The following TRAK1 variants were observed in gnomAD, a reference collection of about 807,000 sequenced individuals.
TRAK1 encodes trafficking kinesin-binding protein 1.
A neutral mutation model predicts 92.1 loss-of-function variants in TRAK1; 33 were observed. The ratio of observed to expected loss-of-function variants is 0.36; its 90% CI spans 0.27 to 0.48. TRAK1 has a LOEUF of 0.48. Ranked by LOEUF, TRAK1 falls within the 20% of genes least tolerant of loss-of-function variation. TRAK1 has a pLI of 0.99. For missense variants in TRAK1, 1,123 were observed against 1,257.9 expected, an observed-to-expected ratio of 0.89 and a Z score of 1.62; for synonymous variants, 521 against 517.3, an observed-to-expected ratio of 1.01 and a Z score of -0.10.
intron 4 of TRAK1, among the ~76,000 whole-genome samples, chr3:42,187,629 C>T (rs776673610): frequency 6.6e-6 from 1 of 151,918 alleles, no homozygotes; most frequent in African/African-American, 2.4e-5. Flanking sequence ...CACCACTCTT[C>T]GCTAATTTTT....
At chr3:42,206,490 G>A (rs969634244) in intron 13 of TRAK1, among the ~76,000 whole-genome samples, 2 of 152,226 alleles carry the variant, frequency 1.3e-5, no homozygotes, top group Non-Finnish European at 2.9e-5. Flanking sequence ...TTCAGTCCCA[G>A]ATCAGTCAAG....
intron 6 of TRAK1, among the ~76,000 whole-genome samples, 178 bp from the exon 7 acceptor site, chr3:42,191,380 T>C (rs1705710368): frequency 6.6e-6 from 1 of 152,220 alleles, no homozygotes. Context: ...GCACATCCAT[T>C]ATTAAGCTGG....
chr3:42,108,934 C>G (rs1188771097), intron 1 of TRAK1, among the ~76,000 whole-genome samples: 1 of 152,066 alleles, frequency 6.6e-6, no homozygotes, highest in African/African-American at 2.4e-5. Flanking sequence ...GGAAGTTGGG[C>G]TAGGAGAAAA....
intron 1 of TRAK1, among the ~76,000 whole-genome samples, chr3:42,049,542 G>A (rs1453567785): frequency 6.6e-6 from 1 of 151,684 alleles, no homozygotes; most frequent in African/African-American, 2.4e-5. Flanking sequence ...AAGGTTTCTT[G>A]TATCATTTCT....
intron 1 of TRAK1, among the ~76,000 whole-genome samples, chr3:42,038,923 T>C (rs961930310): frequency 6.6e-6 from 1 of 151,854 alleles, no homozygotes; most frequent in Non-Finnish European, 1.5e-5. Context: ...ATTGATTTTT[T>C]AAAAATCAGC....
Position 42,209,785 on chromosome 3 carries a change from A to G in TRAK1, c.1763A>G (p.His588Arg). The change falls in exon 14 of 16, where the codon CAC becomes CGC. Residue 588 changes from histidine to arginine, a missense_variant. By Grantham distance (29) the His-to-Arg change is conservative. Coordinates refer to ENST00000327628, the MANE Select transcript of TRAK1 (RefSeq NM_001042646.3). ...CTGCAAGGTTCCGCCACACTTCACC[A>G]CTGGCAGCAGTTGGCCCAACCTCAC... ...KPLEGSATLH[H>R]WQQLAQPHLG... is the part of the protein sequence containing the mutation. 4 of 1,613,886 alleles carry G rather than the reference A, an allele frequency of 2.5e-6. No individual in the cohort carries two copies. Among genetic ancestry groups the G allele is most frequent in the Non-Finnish European group, 3.4e-6 (4 of 1,179,970 alleles).
At chr3:42,203,044 GA>G in intron 13 of TRAK1, 1 of 1,239,750 alleles carries the variant, frequency 8.1e-7, no homozygotes, top group Non-Finnish European at 1.0e-6. Context: ...TAGAACCTTA[GA>G]AATAAAAACT....
At chr3:42,168,935 T>A (rs937406712) in intron 2 of TRAK1, among the ~76,000 whole-genome samples, 3 of 152,332 alleles carry the variant, frequency 2.0e-5, no homozygotes, top group Admixed American at 6.5e-5. Context: ...GCGATTCTCC[T>A]GCGTCAGCCT....
chr3:42,202,480 G>A lies in TRAK1; in HGVS notation c.1472G>A (p.Gly491Asp). 1 of 1,497,960 alleles carries A rather than the reference G, an allele frequency of 6.7e-7. No individual in the cohort carries two copies. The allele number at this position is 1,497,960 out of a possible 1,614,324, so 92.8% of individuals were successfully genotyped here. ...SKKPGTPGTP[G>D]SHDLETALRR... ...AAGCCGGGGACGCCGGGCACCCCAG[G>A]CTCCCACGACCTGGAGACGGCGCTG... The change falls in exon 13 of 16, where the codon GGC becomes GAC. Residue 491 changes from glycine to aspartate, a missense_variant. Gly to Asp is a moderately conservative substitution (Grantham distance 94). Coordinates refer to ENST00000327628, the MANE Select transcript of TRAK1 (RefSeq NM_001042646.3). The surrounding 1 kb of genome is among the most constrained non-coding windows in gnomAD (Gnocchi z 6.1).
At chr3:42,194,548 T>G (rs1365658333) in intron 9 of TRAK1, among the ~76,000 whole-genome samples, 2 of 152,246 alleles carry the variant, frequency 1.3e-5, no homozygotes, top group Non-Finnish European at 2.9e-5. Flanking sequence ...ATTTTTCTTT[T>G]GCATGAAGTT....
chr3:42,081,857 G>A (rs1040893010), intron 1 of TRAK1, among the ~76,000 whole-genome samples: 3 of 152,224 alleles, frequency 2.0e-5, no homozygotes, highest in Admixed American at 1.3e-4. Context: ...CAGTAGTTTG[G>A]ATGTGCCATA....
At chr3:42,013,528 T>C (rs898870766), upstream of TRAK1, among the ~76,000 whole-genome samples, 1 of 140,456 alleles carries the variant, frequency 7.1e-6, no homozygotes, top group African/African-American at 2.7e-5. The surrounding 1 kb of genome is among the most constrained non-coding windows in gnomAD (Gnocchi z 5.1). Context: ...CCGGCGGGCA[T>C]CCTGGAGGGC....
chr3:42,166,359 C>T (rs1036487092), intron 2 of TRAK1, among the ~76,000 whole-genome samples: 1 of 152,190 alleles, frequency 6.6e-6, no homozygotes, highest in African/African-American at 2.4e-5. Flanking sequence ...CCAGAGTGAA[C>T]CATGTGTTTA....
intron 14 of TRAK1, among the ~76,000 whole-genome samples, chr3:42,217,071 G>GATGTTTT (rs532356234): frequency 2.2e-4 from 34 of 151,276 alleles, no homozygotes; most frequent in Admixed American, 5.3e-4. Context: ...TGCCAAGAAG[G>GATGTTTT]ATGTTTTATG....
chr3:42,217,953 T>C, intron 14 of TRAK1: 3 of 984,484 alleles, frequency 3.0e-6, no homozygotes, highest in Non-Finnish European at 3.6e-6. Flanking sequence ...TTTTATGTGT[T>C]TTTTTTTTCC....
intron 1 of TRAK1, among the ~76,000 whole-genome samples, chr3:42,055,702 G>A (rs975291966): frequency 2.0e-5 from 3 of 152,098 alleles, no homozygotes; most frequent in Admixed American, 6.6e-5. Flanking sequence ...GGCTTCAAGC[G>A]ATCCTCCTTC....
chr3:42,219,338 T>C (rs575071622), intron 14 of TRAK1, 156 bp from the exon 15 acceptor site: 2 of 985,420 alleles, frequency 2.0e-6, no homozygotes, highest in South Asian at 9.4e-5. Context: ...AGGACTCGCC[T>C]TCAATCCAGA....
intron 4 of TRAK1, among the ~76,000 whole-genome samples, chr3:42,187,770 A>G (rs2149407823): frequency 6.6e-6 from 1 of 152,260 alleles, no homozygotes; most frequent in South Asian, 2.1e-4. Context: ...CCCGGCCCCC[A>G]AGCATCATTC....
chr3:42,109,848 A>G (rs1409829041), intron 1 of TRAK1, among the ~76,000 whole-genome samples: 1 of 152,004 alleles, frequency 6.6e-6, no homozygotes, highest in Non-Finnish European at 1.5e-5. Context: ...AAACTGTCCC[A>G]AGGACAGAAA....
Sources: gnomAD v4.1 joint callset for allele counts (sites outside exome capture counted in the v4.1 genomes callset) on GRCh38, gnomAD v4.1.1 for gene constraint, Gnocchi (gnomAD v3.1) non-coding constraint, MANE v1.5 for transcripts, NCBI Gene and HGNC (gene_info 2026-07-23, HGNC 2026-07-21) for gene names.